Variants in QRICH2 observed in about 807,000 individuals in gnomAD.
QRICH2 encodes glutamine-rich protein 2.
A neutral mutation model predicts 168.3 loss-of-function variants in QRICH2; 119 were observed. The ratio of observed to expected loss-of-function variants is 0.71; its 90% CI spans 0.61 to 0.82. QRICH2 has a LOEUF of 0.82. Ranked by LOEUF, QRICH2 falls within the 40% of genes least tolerant of loss-of-function variation. The pLI, the probability that QRICH2 is intolerant of heterozygous loss-of-function variation, is 0.00. For synonymous variants in QRICH2, 894 were observed against 951.2 expected (o/e 0.94, Z 1.11); for missense variants, 2,241 against 2,491.6 (o/e 0.90, Z 2.14).
upstream of QRICH2, chr17:76,308,520 G>A: frequency 9.1e-6 from 9 of 984,454 alleles, no homozygotes; most frequent in Non-Finnish European, 1.1e-5. Flanking sequence ...TGGCAACCAT[G>A]CTTTGTGTCA....
rs745305803 is a variant in QRICH2, at chr17:76,307,424, G to A, written c.534+41C>T. On this transcript the variant is annotated intron_variant, in intron 1 of 18. Transcript: ENST00000680821. This position sits in a 1 kb window ranked among gnomAD's most constrained non-coding sequence, Gnocchi z 5.3. ...GGCTAGGCCTGGAGGGCGGCCTGGAGGAGGCAGACGGCCTGCGCGTGCCTC... is the reference window on the plus strand; with the variant it reads ...GGCTAGGCCTGGAGGGCGGCCTGGAAGAGGCAGACGGCCTGCGCGTGCCTC... 8 of 1,607,452 alleles carry A rather than the reference G, an allele frequency of 5.0e-6. No individual in the cohort carries two copies. The highest frequency in any genetic ancestry group is 1.7e-5 in the Admixed American group (1 of 59,944).
At chr17:76,274,549 C>T (rs1282766658) in intron 18 of QRICH2, among the ~76,000 whole-genome samples, 2 of 152,200 alleles carry the variant, frequency 1.3e-5, no homozygotes, top group South Asian at 2.1e-4. Flanking sequence ...AATACAGACA[C>T]GAGGTGACAT....
chr17:76,306,168 CAA>C (rs368182885), intron 1 of QRICH2, among the ~76,000 whole-genome samples: 27 of 68,106 alleles, frequency 4.0e-4, no homozygotes, highest in African/African-American at 5.9e-4. Context: ...GAATGTGTCT[CAA>C]AAAAAAAAAA....
At chr17:76,285,668 G>T (rs1248744017) in intron 7 of QRICH2, among the ~76,000 whole-genome samples, 2 of 151,456 alleles carry the variant, frequency 1.3e-5, no homozygotes, top group Admixed American at 1.3e-4. Context: ...GGCCAACATG[G>T]TGAAACCCCA....
intron 3 of QRICH2, among the ~76,000 whole-genome samples, chr17:76,301,913 TGTGTGA>T (rs1198625737): frequency 4.8e-4 from 67 of 140,504 alleles, no homozygotes; most frequent in Middle Eastern, 4.0e-3. Flanking sequence ...TGTGTGTGTG[TGTGTGA>T]GACAGAGTCT....
chr17:76,310,450 A>T (rs1598512600), upstream of QRICH2: 1 of 148,902 alleles, frequency 6.7e-6, no homozygotes, highest in African/African-American at 2.5e-5. Context: ...GATTACAGGC[A>T]TAAGACACGA....
rs1016654571 is a variant in QRICH2 at position 76,291,649 on chromosome 17, T to TAG, written c.3076_3077dup (p.Ala1027Ter). On this transcript the variant is annotated frameshift_variant, in exon 4 of 19. Coordinates refer to ENST00000680821, the MANE Select transcript of QRICH2 (RefSeq NM_001388453.1). LOFTEE classifies it high-confidence loss of function. ...CAGGTGATGCCAAACCTTGACTGGC[T>TAG]AGGAGTGGTGACACCTGGCCGTATT... 1.2e-6 allele frequency: 2 copies of TAG among 1,613,956 alleles called. No homozygotes were observed. Among genetic ancestry groups the TAG allele is most frequent in the African/African-American group, 2.7e-5 (2 of 74,914 alleles).
intron 4 of QRICH2, 28 bp from the exon 5 acceptor site, chr17:76,290,105 G>A (rs778177553): frequency 1.7e-5 from 26 of 1,555,186 alleles, no homozygotes; most frequent in Non-Finnish European, 2.0e-5. Context: ...CTTATGATCA[G>A]AGGGGTTAGA....
At chr17:76,283,106 T>C (rs988387146) in intron 7 of QRICH2, among the ~76,000 whole-genome samples, 1 of 152,130 alleles carries the variant, frequency 6.6e-6, no homozygotes, top group African/African-American at 2.4e-5. Context: ...CAGCATCCTC[T>C]TGCCTGGGCT....
intron 7 of QRICH2, 26 bp downstream of exon 7, chr17:76,287,166 G>A (rs2070903455): frequency 6.5e-7 from 1 of 1,541,252 alleles, no homozygotes. Context: ...CTTGGTCCCT[G>A]GAGCTAAAGA....
intron 7 of QRICH2, 100 bp downstream of exon 7, chr17:76,287,092 T>C: frequency 3.9e-6 from 2 of 516,806 alleles, no homozygotes; most frequent in Non-Finnish European, 7.2e-6. Flanking sequence ...ACACACATGA[T>C]GGGAGGGACC....
In QRICH2 at chr17:76,287,828, C is replaced by A; in HGVS notation, c.3868G>T (p.Glu1290Ter). Residue 1290 changes from glutamate to a stop codon, truncating the protein, a stop_gained, in exon 6 of 19, where the codon GAG becomes TAG. Transcript: ENST00000680821. LOFTEE classifies it high-confidence loss of function. The part of the protein sequence containing the change: ...QEAGKELKAG[E>*]LRLQLGVLRV... ...AGGACACCCAGCTGCAATCTCAGCT[C>A]TCCAGCTTTCAGTTCCTTCCCTGCT... The A allele has an allele frequency of 6.2e-7, 1 of 1,614,078 alleles. No individual in the cohort carries two copies. The highest frequency in any genetic ancestry group is 8.5e-7 in the Non-Finnish European group (1 of 1,179,956).
At chr17:76,306,197 A>C (rs1189235045) in intron 1 of QRICH2, among the ~76,000 whole-genome samples, 1 of 148,488 alleles carries the variant, frequency 6.7e-6, no homozygotes, top group Non-Finnish European at 1.5e-5. Context: ...AAAAAAACCC[A>C]AAAAAATTAA....
intron 18 of QRICH2, 102 bp from the exon 19 acceptor site, chr17:76,274,362 C>T (rs755033970): frequency 6.4e-6 from 8 of 1,251,324 alleles, no homozygotes; most frequent in Middle Eastern, 2.1e-4. Flanking sequence ...CAGTTCTGTT[C>T]GCCATGCTGG....
chr17:76,276,073 C>T (rs2070673375), intron 17 of QRICH2, 126 bp from the exon 18 acceptor site: 16 of 1,151,898 alleles, frequency 1.4e-5, no homozygotes, highest in South Asian at 4.4e-5. Flanking sequence ...GTGGGGTCCT[C>T]GTCATTCTGA....
chr17:76,308,821 C>T (rs1360067826), upstream of QRICH2, among the ~76,000 whole-genome samples: 15 of 152,010 alleles, frequency 9.9e-5, no homozygotes. Flanking sequence ...TCTCGGCTCA[C>T]TGCAACCTCT....
At chr17:76,279,565 T>A in intron 12 of QRICH2, 137 bp from the exon 13 acceptor site, 1 of 682,652 alleles carries the variant, frequency 1.5e-6, no homozygotes, top group Non-Finnish European at 2.5e-6. Context: ...ATCCATCTGC[T>A]CCCACCTCTG....
At position 76,307,415 on chromosome 17, in the gene QRICH2, C is replaced by T. The variant is rs773922380; in HGVS notation, c.534+50G>A. The T allele has an allele frequency of 3.8e-6, 6 of 1,593,108 alleles. No homozygotes were observed. The African/African-American group carries it at 4.0e-5, about 11-fold the overall frequency. ...TGGGGACTCGGCTAGGCCTGGAGGGCGGCCTGGAGGAGGCAGACGGCCTGC... is the reference window on the plus strand; with the variant it reads ...TGGGGACTCGGCTAGGCCTGGAGGGTGGCCTGGAGGAGGCAGACGGCCTGC... On this transcript the variant is annotated intron_variant, in intron 1 of 18. Coordinates refer to ENST00000680821, the MANE Select transcript of QRICH2 (RefSeq NM_001388453.1). This position sits in a 1 kb window ranked among gnomAD's most constrained non-coding sequence, Gnocchi z 5.3.
At chr17:76,277,566 TCACA>T (rs145735349) in intron 15 of QRICH2, among the ~76,000 whole-genome samples, 8 of 150,220 alleles carry the variant, frequency 5.3e-5, no homozygotes, top group South Asian at 2.1e-4. Flanking sequence ...ATACACACAG[TCACA>T]CACACACATA....
Sources: allele counts gnomAD v4.1 joint callset (sites outside exome capture counted in the v4.1 genomes callset), GRCh38; gene constraint gnomAD v4.1.1; non-coding constraint Gnocchi (gnomAD v3.1); transcripts MANE v1.5; gene names NCBI Gene and HGNC (gene_info 2026-07-23, HGNC 2026-07-21).